Variants in SOX5 observed in about 807,000 individuals in gnomAD.
SOX5 encodes transcription factor SOX-5.
Under a neutral mutation model 92.0 loss-of-function variants are expected in SOX5, and 9 were observed. That is an observed-to-expected ratio of 0.10 (90% CI 0.06 to 0.17). The LOEUF (loss-of-function observed/expected upper bound fraction) is 0.17. Among genes scored for constraint, SOX5 ranks in the 10% least tolerant of loss-of-function variants. SOX5 has a pLI of 1.00. For synonymous variants in SOX5, 344 were observed against 336.3 expected, an observed-to-expected ratio of 1.02 and a Z score of -0.25; for missense variants, 642 against 944.5, an observed-to-expected ratio of 0.68 and a Z score of 4.20.
chr12:24,175,727 G>T (rs1954735201), intron 4 of SOX5, among the ~76,000 whole-genome samples: 1 of 152,164 alleles, frequency 6.6e-6, no homozygotes, highest in African/African-American at 2.4e-5. Context: ...GATTTGTGGA[G>T]CCAACACGAG....
intron 13 of SOX5, among the ~76,000 whole-genome samples, chr12:23,542,227 T>C (rs1942218836): frequency 6.6e-6 from 1 of 152,246 alleles, no homozygotes. Flanking sequence ...CTAATAAAAC[T>C]TTAATAATTT....
chr12:23,706,198 T>A (rs1276170739), intron 6 of SOX5, among the ~76,000 whole-genome samples: 1 of 152,064 alleles, frequency 6.6e-6, no homozygotes, highest in Admixed American at 6.6e-5. Flanking sequence ...GAAAACAATA[T>A]GAGTCAGCCA....
intron 4 of SOX5, among the ~76,000 whole-genome samples, chr12:24,065,620 C>A (rs1592819824): frequency 7.2e-6 from 1 of 139,126 alleles, no homozygotes; most frequent in African/African-American, 2.8e-5. Flanking sequence ...ACACTCCAGC[C>A]TGGCGACAGA....
intron 4 of SOX5, among the ~76,000 whole-genome samples, chr12:24,132,658 T>G (rs931190512): frequency 6.6e-6 from 1 of 152,160 alleles, no homozygotes; most frequent in South Asian, 2.1e-4. Context: ...AGAGAATTTT[T>G]AAAATTCCTT....
At chr12:23,956,485 T>A (rs904026445) in intron 4 of SOX5, among the ~76,000 whole-genome samples, 1 of 152,114 alleles carries the variant, frequency 6.6e-6, no homozygotes, top group Admixed American at 6.5e-5. Context: ...GGTTTCACTC[T>A]TGAGAGTCTA....
At chr12:24,538,123 G>C (rs1951800201) in intron 1 of SOX5, among the ~76,000 whole-genome samples, 1 of 152,130 alleles carries the variant, frequency 6.6e-6, no homozygotes, top group South Asian at 2.1e-4. Context: ...TCGCTGCCCT[G>C]AGCTCACACA....
At chr12:23,739,542 T>C (rs1182731441) in intron 5 of SOX5, among the ~76,000 whole-genome samples, 1 of 152,190 alleles carries the variant, frequency 6.6e-6, no homozygotes, top group African/African-American at 2.4e-5. Flanking sequence ...TTGTTTCCTA[T>C]GACATTGCAC....
chr12:24,326,033 C>T (rs536282061), intron 2 of SOX5, among the ~76,000 whole-genome samples: 2 of 152,160 alleles, frequency 1.3e-5, no homozygotes, highest in Non-Finnish European at 2.9e-5. Context: ...TGAAGGACAA[C>T]CTCCTTATCT....
chr12:24,074,747 T>C (rs565752531), intron 4 of SOX5, among the ~76,000 whole-genome samples: 1 of 152,076 alleles, frequency 6.6e-6, no homozygotes, highest in South Asian at 2.1e-4. Flanking sequence ...ACTCTTGAAT[T>C]CACTTTCGCC....
chr12:24,279,607 A>C (rs1016923082), intron 2 of SOX5, among the ~76,000 whole-genome samples: 2 of 152,094 alleles, frequency 1.3e-5, no homozygotes, highest in African/African-American at 4.8e-5. Flanking sequence ...TTGAGAGAAA[A>C]AATTTTCTTA....
At chr12:24,114,477 G>A (rs1319016343) in intron 4 of SOX5, among the ~76,000 whole-genome samples, 1 of 148,254 alleles carries the variant, frequency 6.7e-6, no homozygotes, top group African/African-American at 2.5e-5. Context: ...GTTGGAAGCT[G>A]AGGTGGGAGG....
At chr12:23,906,082 A>G (rs1395766189) in intron 1 of SOX5, among the ~76,000 whole-genome samples, 1 of 152,218 alleles carries the variant, frequency 6.6e-6, no homozygotes, top group East Asian at 1.9e-4. Context: ...AAATGACCAA[A>G]TGCCTAAGCT....
At chr12:24,216,485 G>GAA (rs535576876) in intron 3 of SOX5, among the ~76,000 whole-genome samples, 188 of 148,878 alleles carry the variant, frequency 1.3e-3, no homozygotes, top group Non-Finnish European at 1.6e-3. Context: ...CTCCGCCTCG[G>GAA]AAAAAAAAAA....
intron 6 of SOX5, among the ~76,000 whole-genome samples, chr12:23,712,503 G>C (rs573030334): frequency 6.6e-6 from 1 of 152,126 alleles, no homozygotes; most frequent in Non-Finnish European, 1.5e-5. Context: ...GGTTTATCTG[G>C]AGAAAACATA....
intron 2 of SOX5, among the ~76,000 whole-genome samples, chr12:24,291,186 T>C (rs1946577163): frequency 6.6e-6 from 1 of 152,226 alleles, no homozygotes; most frequent in Admixed American, 6.5e-5. Flanking sequence ...AGAGTCTCTT[T>C]GCTAAGAAGG....
intron 1 of SOX5, among the ~76,000 whole-genome samples, chr12:24,370,570 T>C (rs776754805): frequency 5.3e-5 from 8 of 151,558 alleles, no homozygotes; most frequent in Admixed American, 2.0e-4. Flanking sequence ...AGCAGGTGGA[T>C]TGCTTGATGC....
At chr12:24,308,889 T>A (rs573093490) in intron 2 of SOX5, among the ~76,000 whole-genome samples, 3 of 152,232 alleles carry the variant, frequency 2.0e-5, no homozygotes, top group African/African-American at 7.2e-5. Context: ...CAGCACACTA[T>A]GGCTCTACAG....
chr12:24,547,232 C>T (rs548424537), intron 1 of SOX5, among the ~76,000 whole-genome samples: 20 of 143,348 alleles, frequency 1.4e-4, no homozygotes, highest in African/African-American at 2.8e-4. Flanking sequence ...TCGCCCAGGC[C>T]GGACTGCGGA....
chr12:24,250,116 C>G (rs1232016945), intron 3 of SOX5, among the ~76,000 whole-genome samples: 2 of 152,142 alleles, frequency 1.3e-5, no homozygotes, highest in Admixed American at 6.5e-5. Flanking sequence ...ATCTAAACTG[C>G]GTATTCCCAA....
Sources: gnomAD v4.1 joint callset for allele counts (sites outside exome capture counted in the v4.1 genomes callset) on GRCh38, gnomAD v4.1.1 for gene constraint, MANE v1.5 for transcripts, NCBI Gene and HGNC (gene_info 2026-07-23, HGNC 2026-07-21) for gene names.